Variants in BSN observed in about 807,000 individuals in gnomAD.
BSN encodes protein bassoon.
A neutral mutation model predicts 264.8 loss-of-function variants in BSN; 57 were observed. The ratio of observed to expected loss-of-function variants is 0.22; its 90% CI spans 0.17 to 0.27. The LOEUF (loss-of-function observed/expected upper bound fraction) is 0.27. Ranked by LOEUF, BSN falls within the 10% of genes least tolerant of loss-of-function variation. The pLI, the probability that BSN is intolerant of heterozygous loss-of-function variation, is 1.00. For missense variants in BSN, 4,615 were observed against 5,232.5 expected (o/e 0.88, Z 3.64); for synonymous variants, 2,059 against 2,137.3 (o/e 0.96, Z 1.01).
intron 1 of BSN, among the ~76,000 whole-genome samples, chr3:49,584,381 C>T (rs2051918482): frequency 6.6e-6 from 1 of 151,122 alleles, no homozygotes; most frequent in African/African-American, 2.4e-5. Flanking sequence ...TTATTTTCTT[C>T]ATTATATTTA....
intron 1 of BSN, among the ~76,000 whole-genome samples, chr3:49,606,670 C>T (rs2052155080): frequency 6.6e-6 from 1 of 151,946 alleles, no homozygotes; most frequent in Non-Finnish European, 1.5e-5. Context: ...GAGCCCTGAC[C>T]CCTTCCACCT....
intron 1 of BSN, among the ~76,000 whole-genome samples, chr3:49,597,601 G>C (rs144417670): frequency 0.011 from 1,730 of 152,214 alleles, 31 homozygotes; most frequent in African/African-American, 0.04. Context: ...AAAGTGCTGA[G>C]ATTACAGACA....
intron 1 of BSN, 91 bp downstream of exon 1, chr3:49,554,917 G>C: frequency 1.3e-6 from 1 of 768,366 alleles, no homozygotes. Context: ...TGTGGACAGC[G>C]AGGTTCGACG....
intron 3 of BSN, among the ~76,000 whole-genome samples, chr3:49,648,416 A>T (rs1041148990): frequency 6.6e-6 from 1 of 152,240 alleles, no homozygotes; most frequent in Non-Finnish European, 1.5e-5. Flanking sequence ...CATGCTGACC[A>T]TAGGGCTGGG....
In BSN at chr3:49,654,070, C is replaced by T; in HGVS notation, c.4514C>T (p.Ser1505Phe). The T allele has an allele frequency of 6.2e-7, 1 of 1,613,900 alleles. No homozygotes were observed. Among genetic ancestry groups the T allele is most frequent in the South Asian group, 1.1e-5 (1 of 91,082 alleles). ...GGCCCAAGGGCCACAGCAGAGTTCT[C>T]TACACAGACGCCAAGTCCAGCCCCT... ...KMGPRATAEFSTQTPSPAPAS... is the reference protein window; with the variant it reads ...KMGPRATAEFFTQTPSPAPAS... The change falls in exon 5 of 12, where the codon TCT (serine) becomes TTT (phenylalanine). Residue 1505 changes from serine to phenylalanine, a missense_variant. This residue lies in a region of BSN where 3,415 missense variants were observed against 3,866.4 expected (regional missense o/e 0.88). Transcript: ENST00000296452. This position sits in a 1 kb window ranked among gnomAD's most constrained non-coding sequence, Gnocchi z 4.1.
intron 1 of BSN, among the ~76,000 whole-genome samples, chr3:49,598,689 G>A (rs1257767472): frequency 1.3e-5 from 2 of 152,132 alleles, no homozygotes; most frequent in South Asian, 2.1e-4. Context: ...TTACAGGCAT[G>A]AGCCACCGTG....
chr3:49,637,425 G>A lies in BSN; in HGVS notation c.634-4843G>A, dbSNP rs188828264. Among the ~76,000 whole-genome samples, 364 of 152,264 alleles carry A rather than the reference G, an allele frequency of 2.4e-3. 4 individuals carry two copies. The highest frequency in any genetic ancestry group is 8.4e-3 in the African/African-American group (348 of 41,538). On this transcript the variant is annotated intron_variant, in intron 2 of 11. Transcript: ENST00000296452. ...GGCTGAGACACTCTGTGCAGCCAGT[G>A]TTCCTGCAGGGAAGATGTAGAAGCT...
chr3:49,621,407 T>C (rs2052304513), intron 1 of BSN, among the ~76,000 whole-genome samples: 2 of 152,002 alleles, frequency 1.3e-5, no homozygotes, highest in Admixed American at 1.3e-4. Flanking sequence ...GGTTGGCAGA[T>C]GAGGAAGAAT....
rs139792340 is a variant in BSN, at chr3:49,657,639, G to A, written c.8083G>A (p.Asp2695Asn). The A allele has an allele frequency of 3.6e-5, 57 of 1,596,082 alleles. No homozygotes were observed. The highest frequency in any genetic ancestry group is 1.3e-4 in the African/African-American group (10 of 74,724). Reference protein sequence around the residue: ...SPAIHITAATDPKVEIVRYIS... With the variant: ...SPAIHITAATNPKVEIVRYIS... ...AGCCATCCACATCACAGCTGCCACCGATCCCAAGGTGGAGATCGTCAGGTA... is the reference window on the plus strand; with the variant it reads ...AGCCATCCACATCACAGCTGCCACCAATCCCAAGGTGGAGATCGTCAGGTA... The change falls in exon 5 of 12, where the codon GAT (aspartate) becomes AAT (asparagine). Residue 2695 changes from aspartate to asparagine, a missense_variant. Asp to Asn is a conservative substitution (Grantham distance 23). Transcript: ENST00000296452.
chr3:49,664,277 C>T lies in BSN; in HGVS notation c.11609-146C>T. ...CCACCCCTTGTCTTCCTGTTCTTAC[C>T]TTCTTCTCTTTATTTCCCTAGCCTC... On this transcript the variant is annotated intron_variant, in intron 8 of 11. Coordinates refer to ENST00000296452, the MANE Select transcript of BSN (RefSeq NM_003458.4). 4 of 1,068,234 alleles carry T rather than the reference C, an allele frequency of 3.7e-6. 1 individual carries two copies. Among genetic ancestry groups the T allele is most frequent in the South Asian group, 3.1e-5 (2 of 65,336 alleles). 66.2% of individuals were successfully genotyped at this position (1,068,234 alleles called of 1,614,324 possible).
intron 1 of BSN, among the ~76,000 whole-genome samples, chr3:49,587,887 T>TTTTTCTTTTCTTTTATTTTCTTTTC (rs2051947866): frequency 1.6e-5 from 2 of 121,598 alleles, no homozygotes; most frequent in East Asian, 4.8e-4. Context: ...AAAGTTGGGG[T>TTTTTCTTTTCTTTTATTTTCTTTTC]TTTTCTTTTC....
In BSN at chr3:49,653,191, A is replaced by G; in HGVS notation, c.3635A>G (p.His1212Arg). 1 of 1,611,124 alleles carries G rather than the reference A, an allele frequency of 6.2e-7. No homozygotes were observed. The highest frequency in any genetic ancestry group is 8.5e-7 in the Non-Finnish European group (1 of 1,179,400). The change falls in exon 5 of 12, where the codon CAT becomes CGT. Residue 1212 changes from histidine (H) to arginine (R), a missense_variant. By Grantham distance (29) the His-to-Arg change is conservative. This residue lies in a region of BSN where 3,415 missense variants were observed against 3,866.4 expected (regional missense o/e 0.88). Transcript: ENST00000296452. The surrounding 1 kb of genome is among the most constrained non-coding windows in gnomAD (Gnocchi z 6.3). ...QGQAAGARGP[H>R]GGPSQPTGPR... ...CAGGCAGCAGGGGCCCGGGGACCCC[A>G]TGGCGGCCCCTCTCAGCCCACAGGC... is the stretch of plus-strand genomic sequence containing the variant.
chr3:49,596,297 G>T (rs1020363021), intron 1 of BSN, among the ~76,000 whole-genome samples: 12 of 152,072 alleles, frequency 7.9e-5, no homozygotes, highest in Non-Finnish European at 7.4e-5. Flanking sequence ...CCAGCTACTC[G>T]GGAGGCTGAG....
At chr3:49,606,780 C>G (rs926283893) in intron 1 of BSN, among the ~76,000 whole-genome samples, 3 of 152,098 alleles carry the variant, frequency 2.0e-5, no homozygotes, top group African/African-American at 7.2e-5. Flanking sequence ...AGCACCTTCC[C>G]CAGACATTCC....
chr3:49,630,368 G>T (rs989946999), intron 2 of BSN, among the ~76,000 whole-genome samples: 1 of 152,210 alleles, frequency 6.6e-6, no homozygotes, highest in Non-Finnish European at 1.5e-5. Flanking sequence ...TTCTCCCACC[G>T]AATAGCTAGT....
Position 49,652,912 on chromosome 3 carries a change from A to G in BSN, c.3356A>G (p.His1119Arg). 1 of 1,610,348 alleles carries G rather than the reference A, an allele frequency of 6.2e-7. No individual in the cohort carries two copies. Among genetic ancestry groups the G allele is most frequent in the African/African-American group, 1.3e-5 (1 of 74,930 alleles). The change falls in exon 5 of 12, where the codon CAC becomes CGC. Residue 1119 changes from histidine to arginine, a missense_variant. Physicochemically the swap from His to Arg is conservative, Grantham distance 29. Coordinates refer to ENST00000296452, the MANE Select transcript of BSN (RefSeq NM_003458.4). ...LRQAAEMEELHRSSCSEYSPS... is the reference protein window; with the variant it reads ...LRQAAEMEELRRSSCSEYSPS... ...CAGGCGGCCGAGATGGAGGAGCTAC[A>G]CCGCTCCTCCTGCTCTGAGTACTCA...
rs1162586668 is a variant in BSN, at chr3:49,638,322, G to A, written c.634-3946G>A. 6.6e-6 allele frequency among the ~76,000 whole-genome samples: 1 copy of A among 151,246 alleles called. No homozygotes were observed. The highest frequency in any genetic ancestry group is 2.4e-5 in the African/African-American group (1 of 41,126). ...CCCAGGCTGGGTGGGCGGGTGGGTTGGGGTGCACAGCCATCATCTCTCTCC... is the reference window on the plus strand; with the variant it reads ...CCCAGGCTGGGTGGGCGGGTGGGTTAGGGTGCACAGCCATCATCTCTCTCC... On this transcript the variant is annotated intron_variant, in intron 2 of 11. Transcript: ENST00000296452. This position sits in a 1 kb window ranked among gnomAD's most constrained non-coding sequence, Gnocchi z 4.3.
rs1490717093 is a variant in BSN, at chr3:49,667,935, G to C, written c.*450G>C. Reference sequence around the variant, plus strand: ...TTTGGGCACACACTGCCCTCCCTCCGAGATGCCAGAAGTTTTTCCACAGCC... The same window carrying C: ...TTTGGGCACACACTGCCCTCCCTCCCAGATGCCAGAAGTTTTTCCACAGCC... On this transcript the variant is annotated 3_prime_UTR_variant, in exon 12 of 12. Coordinates refer to ENST00000296452, the MANE Select transcript of BSN (RefSeq NM_003458.4). The C allele has an allele frequency of 1.3e-5, 2 of 152,562 alleles. No individual in the cohort carries two copies. The highest frequency in any genetic ancestry group is 2.9e-5 in the Non-Finnish European group (2 of 68,042). 9.5% of individuals were successfully genotyped at this position (152,562 alleles called of 1,614,324 possible).
In BSN at chr3:49,661,573, A is replaced by G; in HGVS notation, c.9728A>G (p.Asp3243Gly). 6.2e-7 allele frequency: 1 copy of G among 1,613,950 alleles called. No homozygotes were observed. Among genetic ancestry groups the G allele is most frequent in the Non-Finnish European group, 8.5e-7 (1 of 1,180,038 alleles). Residue 3243 changes from aspartate (D) to glycine (G), a missense_variant, in exon 6 of 12, where the codon GAC (aspartate) becomes GGC (glycine). Transcript: ENST00000296452. ...GATGACATCAGTGAACTGACCAAGG[A>G]CAGCACCTCTACTGCTCCTGATAGC... is the stretch of plus-strand genomic sequence containing the variant. ...MIDDISELTK[D>G]STSTAPDSQR...
Sources: gnomAD v4.1 joint callset for allele counts (sites outside exome capture counted in the v4.1 genomes callset) on GRCh38, gnomAD v4.1.1 for gene constraint, gnomAD v4.1.1 regional missense constraint, Gnocchi (gnomAD v3.1) non-coding constraint, MANE v1.5 for transcripts, NCBI Gene and HGNC (gene_info 2026-07-23, HGNC 2026-07-21) for gene names.